The following SYNE2 variants were observed in gnomAD, a reference collection of about 807,000 sequenced individuals.
SYNE2 encodes nesprin-2.
A neutral mutation model predicts 856.3 loss-of-function variants in SYNE2; 431 were observed. The observed-to-expected ratio is 0.50, with a 90% CI of 0.47 to 0.55. The LOEUF is 0.55. SYNE2 is among the 20% of genes least tolerant of loss of function. SYNE2 has a pLI of 0.00. For missense variants in SYNE2, 8,129 were observed against 8,023.2 expected (o/e 1.01, Z -0.50); for synonymous variants, 2,923 against 2,872.3 (o/e 1.02, Z -0.56).
In SYNE2 at chr14:63,942,264, A is replaced by G. The variant is rs9323442; in HGVS notation, c.408+121A>G. ...GCTTCTCCTATAAATAGGACCTCTG[A>G]AAATCTTGAAGAGGTAGAAAATAAT... is the stretch of plus-strand genomic sequence containing the variant. On this transcript the variant is annotated intron_variant, in intron 6 of 115. Transcript: ENST00000555002. 0.71 allele frequency: 493,378 copies of G among 696,416 alleles called. 175,576 individuals are homozygous for G. Among genetic ancestry groups the G allele is most frequent in the South Asian group, 0.78 (49,005 of 62,506 alleles). 43.1% of individuals were successfully genotyped at this position (696,416 alleles called of 1,614,324 possible). A position where few individuals can be genotyped will look rare whatever the true frequency, so the allele number is the denominator to read the frequency against.
At chr14:64,193,509 C>T (rs1280111912) in intron 99 of SYNE2, among the ~76,000 whole-genome samples, 1 of 151,928 alleles carries the variant, frequency 6.6e-6, no homozygotes, top group Non-Finnish European at 1.5e-5. Flanking sequence ...TTGATCACAC[C>T]ACTGCTCTCC....
chr14:64,169,754 A>G (rs1424634077), intron 93 of SYNE2, among the ~76,000 whole-genome samples: 1 of 152,234 alleles, frequency 6.6e-6, no homozygotes, highest in Non-Finnish European at 1.5e-5. Context: ...ATAATAAACA[A>G]GAGGCCTTAT....
chr14:64,038,045 C>T (rs868034213), intron 45 of SYNE2, among the ~76,000 whole-genome samples: 44 of 141,320 alleles, frequency 3.1e-4, no homozygotes, highest in Admixed American at 1.1e-3. Context: ...ACTTCTCAGA[C>T]GGGGCAGTTG....
intron 35 of SYNE2, 21 bp downstream of exon 35, chr14:64,020,114 G>A: frequency 6.5e-7 from 1 of 1,540,162 alleles, no homozygotes; most frequent in East Asian, 2.3e-5. Flanking sequence ...TTATTTAAAA[G>A]TTTCAGTTAT....
chr14:64,057,339 T>G (rs72718390), intron 49 of SYNE2, among the ~76,000 whole-genome samples: 13,860 of 152,150 alleles, frequency 0.091, 1,163 homozygotes, highest in African/African-American at 0.22. Context: ...TTGTTTTGAT[T>G]ATTAGATCCC....
At chr14:63,948,782 GTATATATATATA>G (rs3062027) in intron 6 of SYNE2, among the ~76,000 whole-genome samples, 627 of 43,892 alleles carry the variant, frequency 0.014, 23 homozygotes, top group African/African-American at 0.04. Context: ...ATGTGTGTGT[GTATATATATATA>G]TATATATATA....
At chr14:64,177,047 C>T (rs977157967) in intron 95 of SYNE2, among the ~76,000 whole-genome samples, 2 of 152,164 alleles carry the variant, frequency 1.3e-5, no homozygotes, top group African/African-American at 4.8e-5. Flanking sequence ...ATCCACCCGC[C>T]TCAGCCTCCC....
chr14:63,983,000 C>G (rs1448363353), intron 17 of SYNE2, among the ~76,000 whole-genome samples: 1 of 152,002 alleles, frequency 6.6e-6, no homozygotes, highest in Non-Finnish European at 1.5e-5. Flanking sequence ...CCCCCTAAGC[C>G]CTACACAACC....
chr14:63,791,596 G>A (rs1345236779), intron 1 of SYNE2, among the ~76,000 whole-genome samples: 1 of 152,144 alleles, frequency 6.6e-6, no homozygotes, highest in Non-Finnish European at 1.5e-5. Context: ...TGAAGTAACT[G>A]TGATAAAGAA....
At chr14:64,167,754 A>G in intron 92 of SYNE2, 115 bp downstream of exon 92, 1 of 1,434,328 alleles carries the variant, frequency 7.0e-7, no homozygotes, top group Non-Finnish European at 9.6e-7. Context: ...CACAGAATGT[A>G]TACCTTTAAG....
intron 6 of SYNE2, among the ~76,000 whole-genome samples, chr14:63,944,824 CTT>C (rs55906748): frequency 8.5e-5 from 4 of 46,946 alleles, no homozygotes; most frequent in African/African-American, 2.0e-4. Flanking sequence ...GGGCTTAAAG[CTT>C]TTTTTTTTTT....
At chr14:64,059,894 A>C (rs1197076046) in intron 49 of SYNE2, among the ~76,000 whole-genome samples, 2 of 152,174 alleles carry the variant, frequency 1.3e-5, no homozygotes, top group Non-Finnish European at 2.9e-5. Context: ...CACAAGACAG[A>C]GTCCTTCACA....
Position 63,829,796 on chromosome 14 carries a change from T to C in SYNE2, c.-304-22705T>C, listed in dbSNP as rs551780449. Among the ~76,000 whole-genome samples the C allele has an allele frequency of 3.9e-5, 6 of 152,070 alleles. No homozygotes were observed. The East Asian group carries it at 1.2e-3, about 29-fold the overall frequency. ...CTGCCCCAGATAATTTTTTTTATTT[T>C]TGGGGTAGACGGGGGTCTCACTTTG... On this transcript the variant is annotated intron_variant, in intron 1 of 23. Transcript: ENST00000674003.
intron 45 of SYNE2, among the ~76,000 whole-genome samples, chr14:64,037,885 C>G (rs893185896): frequency 1.3e-5 from 2 of 148,270 alleles, no homozygotes; most frequent in African/African-American, 5.0e-5. Flanking sequence ...GCTGGCCGGG[C>G]GGGGGGCTGA....
chr14:63,779,440 A>C (rs1422542293), intron 1 of SYNE2, among the ~76,000 whole-genome samples: 3 of 29,764 alleles, frequency 1.0e-4, no homozygotes, highest in African/African-American at 1.9e-4. Context: ...GACTGGTCTC[A>C]AAAAAAAAAA....
chr14:63,964,440 A>G (rs758960697), intron 10 of SYNE2, among the ~76,000 whole-genome samples: 1 of 152,224 alleles, frequency 6.6e-6, no homozygotes, highest in Non-Finnish European at 1.5e-5. Flanking sequence ...GGCCTGAGAT[A>G]TTTACTGTCT....
At chr14:64,119,281 T>G in intron 66 of SYNE2, 146 bp from the exon 67 acceptor site, 17 of 953,644 alleles carry the variant, frequency 1.8e-5, no homozygotes, top group East Asian at 2.5e-5. Context: ...CTGTGGAAGT[T>G]TTTGTTTTTC....
intron 1 of SYNE2, among the ~76,000 whole-genome samples, chr14:63,819,758 G>A (rs1049783469): frequency 4.6e-5 from 7 of 151,796 alleles, no homozygotes; most frequent in Admixed American, 2.0e-4. Context: ...GGATGGTCTC[G>A]ATCTCCTGAC....
chr14:63,875,731 T>G (rs996727980), intron 1 of SYNE2, among the ~76,000 whole-genome samples: 4 of 152,122 alleles, frequency 2.6e-5, no homozygotes, highest in African/African-American at 9.7e-5. Flanking sequence ...CAATAACAAA[T>G]AAAATGTTTG....
Sources: allele counts gnomAD v4.1 joint callset (sites outside exome capture counted in the v4.1 genomes callset), GRCh38; gene constraint gnomAD v4.1.1; transcripts MANE v1.5; gene names NCBI Gene and HGNC (gene_info 2026-07-23, HGNC 2026-07-21).